Variants in PFDN2 observed in about 807,000 individuals in gnomAD.
The protein encoded by PFDN2 is prefoldin 2.
A neutral mutation model predicts 18.3 loss-of-function variants in PFDN2; 7 were observed. That is an observed-to-expected ratio of 0.38 (90% CI 0.22 to 0.72). The LOEUF is 0.72. Ranked by LOEUF, PFDN2 falls within the 30% of genes least tolerant of loss-of-function variation. The pLI is 0.47. For synonymous variants in PFDN2, 76 were observed against 75.0 expected (o/e 1.01, Z -0.07); for missense variants, 181 against 199.1 (o/e 0.91, Z 0.55).
intron 1 of PFDN2, among the ~76,000 whole-genome samples, chr1:161,117,165 G>A (rs1654967079): frequency 6.6e-6 from 1 of 152,152 alleles, no homozygotes. Context: ...TGAACCACGA[G>A]GCGGATTGCA....
At chr1:161,117,811 G>C in intron 1 of PFDN2, 141 bp downstream of exon 1, 1 of 758,432 alleles carries the variant, frequency 1.3e-6, no homozygotes, top group Non-Finnish European at 2.1e-6. Flanking sequence ...GGTTCGGCTA[G>C]CTTTTCCGGG....
chr1:161,100,977 G>A (rs1654543995), intron 3 of PFDN2, 118 bp from the exon 4 acceptor site: 8 of 669,970 alleles, frequency 1.2e-5, no homozygotes, highest in South Asian at 8.4e-5. Flanking sequence ...CCAAGTAGAG[G>A]AGCCCAGACA....
At chr1:161,110,217 C>T (rs142266799) in intron 1 of PFDN2, among the ~76,000 whole-genome samples, 4,583 of 151,774 alleles carry the variant, frequency 0.03, 101 homozygotes, top group South Asian at 0.058. Flanking sequence ...AAAAATTAGT[C>T]GGGTATGGTG....
At position 161,100,723 on chromosome 1, in the gene PFDN2, G is replaced by T; in HGVS notation, c.425C>A (p.Ala142Asp). ...KPAAKENSEG[A>D]GAKASSAGVL... ...TCCAGCTGAGCTGGCCTTAGCCCCA[G>T]CCCCTTCTGAGTTTTCCTTGGCTGC... Residue 142 changes from alanine to aspartate, a missense_variant, in exon 4 of 4, where the codon GCT (alanine) becomes GAT (aspartate). By Grantham distance (126) the Ala-to-Asp change is moderately radical (BLOSUM62 -2). Transcript: ENST00000368010. 1 of 1,614,090 alleles carries T rather than the reference G, an allele frequency of 6.2e-7. No homozygotes were observed. The highest frequency in any genetic ancestry group is 8.5e-7 in the Non-Finnish European group (1 of 1,179,992).
At chr1:161,102,496 T>TAGA in intron 1 of PFDN2, 121 bp from the exon 2 acceptor site, 1 of 686,850 alleles carries the variant, frequency 1.5e-6, no homozygotes, top group Non-Finnish European at 2.5e-6. Context: ...GGAAAAGGAG[T>TAGA]AGAACCACAA....
chr1:161,100,935 G>C (rs1467220540), intron 3 of PFDN2, 76 bp from the exon 4 acceptor site: 1 of 1,119,110 alleles, frequency 8.9e-7, no homozygotes, highest in Non-Finnish European at 1.3e-6. Context: ...TATGGTTGGA[G>C]GAAGTGTTAA....
At chr1:161,110,407 T>C (rs1025680903) in intron 1 of PFDN2, among the ~76,000 whole-genome samples, 1 of 152,156 alleles carries the variant, frequency 6.6e-6, no homozygotes. Context: ...AAATCATACC[T>C]GTACCCAGGT....
chr1:161,106,841 T>G (rs1423101257), intron 1 of PFDN2, among the ~76,000 whole-genome samples: 2 of 152,158 alleles, frequency 1.3e-5, no homozygotes, highest in Non-Finnish European at 1.5e-5. Context: ...GGTCTCACTC[T>G]GTTCCCTAGG....
chr1:161,110,819 ATT>A (rs1342029221), intron 1 of PFDN2, among the ~76,000 whole-genome samples: 6 of 133,706 alleles, frequency 4.5e-5, no homozygotes, highest in Non-Finnish European at 4.8e-5. Flanking sequence ...TCTTCATGAA[ATT>A]TTTTTTTTTT....
intron 1 of PFDN2, among the ~76,000 whole-genome samples, chr1:161,114,043 G>A (rs902359353): frequency 3.9e-5 from 6 of 152,126 alleles, no homozygotes; most frequent in Non-Finnish European, 8.8e-5. Flanking sequence ...TTCCACTCTT[G>A]TTCTACTTCT....
At chr1:161,113,859 G>A (rs1383167774) in intron 1 of PFDN2, among the ~76,000 whole-genome samples, 2 of 152,198 alleles carry the variant, frequency 1.3e-5, no homozygotes, top group Non-Finnish European at 2.9e-5. Context: ...GGACATATGT[G>A]GCTCAAATTT....
intron 1 of PFDN2, among the ~76,000 whole-genome samples, chr1:161,111,649 C>T (rs372391037): frequency 1.2e-4 from 18 of 152,292 alleles, no homozygotes; most frequent in Admixed American, 2.6e-4. Context: ...GTGCCCGATA[C>T]AATGTAGATC....
chr1:161,114,524 G>C (rs1654867889), intron 1 of PFDN2, among the ~76,000 whole-genome samples: 1 of 152,072 alleles, frequency 6.6e-6, no homozygotes, highest in Admixed American at 6.5e-5. Flanking sequence ...TCATCCTTTA[G>C]AATTGAGCTG....
At chr1:161,108,564 CAAAAAAA>C (rs762346640) in intron 1 of PFDN2, among the ~76,000 whole-genome samples, 1 of 139,776 alleles carries the variant, frequency 7.2e-6, no homozygotes. Flanking sequence ...GACTCCATCT[CAAAAAAA>C]AAAACAAAAA....
At position 161,102,034 on chromosome 1, in the gene PFDN2, T is replaced by G. The variant is rs536568256; in HGVS notation, c.288+14A>C. ...AGCCACTGTACCCGATCCTATTCAA[T>G]GATTCTTGCTCACCTGCTCCTTGTT... On this transcript the variant is annotated intron_variant, in intron 3 of 3. Coordinates refer to ENST00000368010, the MANE Select transcript of PFDN2 (RefSeq NM_012394.4). The G allele has an allele frequency of 6.8e-5, 110 of 1,614,136 alleles. 2 individuals are homozygous for G. In the South Asian group the frequency reaches 1.1e-3, roughly 16 times the overall value.
chr1:161,117,649 T>G (rs1654994738), intron 1 of PFDN2, among the ~76,000 whole-genome samples: 1 of 152,158 alleles, frequency 6.6e-6, no homozygotes, highest in Non-Finnish European at 1.5e-5. Context: ...TTGGAGAGGC[T>G]GAGGAGAGAT....
chr1:161,111,306 T>C (rs1393967216), intron 1 of PFDN2, among the ~76,000 whole-genome samples: 2 of 152,226 alleles, frequency 1.3e-5, no homozygotes, highest in South Asian at 2.1e-4. Flanking sequence ...AGTTTTGCCA[T>C]TTACTTGCTA....
At position 161,100,783 on chromosome 1, in the gene PFDN2, T is replaced by C. The variant is rs1134154; in HGVS notation, c.365A>G (p.His122Arg). Residue 122 changes from histidine (H) to arginine (R), a missense_variant, in exon 4 of 4, where the codon CAC (histidine) becomes CGC (arginine). His to Arg is a conservative substitution (Grantham distance 29). Coordinates refer to ENST00000368010, the MANE Select transcript of PFDN2 (RefSeq NM_012394.4). ...ATCTTCTCCCATGAGACGAATGTTG[T>C]GCTTTTCCCGGAATTCATTTAGTTC... ...GKELNEFREK[H>R]NIRLMGEDEK... 1 of 1,614,070 alleles carries C rather than the reference T, an allele frequency of 6.2e-7. No individual in the cohort carries two copies. Among genetic ancestry groups the C allele is most frequent in the Non-Finnish European group, 8.5e-7 (1 of 1,179,898 alleles).
chr1:161,107,818 AAAAAC>A (rs1654714165), intron 1 of PFDN2, among the ~76,000 whole-genome samples: 1 of 151,748 alleles, frequency 6.6e-6, no homozygotes, highest in African/African-American at 2.4e-5. Flanking sequence ...TCTGTCTCAA[AAAAAC>A]AAAACAAAGG....
Sources: gnomAD v4.1 joint callset for allele counts (sites outside exome capture counted in the v4.1 genomes callset) on GRCh38, gnomAD v4.1.1 for gene constraint, MANE v1.5 for transcripts, NCBI Gene and HGNC (gene_info 2026-07-23, HGNC 2026-07-21) for gene names.